The following DNAH11 variants were observed in gnomAD, a reference collection of about 807,000 sequenced individuals.
DNAH11 encodes axonemal beta dynein heavy chain 11.
DNAH11 carries 442 observed loss-of-function variants against 526.0 expected under a neutral mutation model. The observed-to-expected ratio is 0.84, with a 90% CI of 0.78 to 0.91. DNAH11 has a LOEUF of 0.91. Among genes scored for constraint, DNAH11 ranks in the 40% least tolerant of loss-of-function variants. DNAH11 has a pLI of 0.00. For synonymous variants in DNAH11, 2,461 were observed against 1,935.9 expected (o/e 1.27, Z -7.12); for missense variants, 6,989 against 5,448.7 (o/e 1.28, Z -8.90).
intron 35 of DNAH11, 80 bp from the exon 36 acceptor site, chr7:21,697,995 C>T (rs771782186): frequency 4.9e-6 from 7 of 1,420,876 alleles, no homozygotes; most frequent in South Asian, 2.7e-5. Context: ...AATGTTGGTA[C>T]GAAATAACCA....
chr7:21,673,607 C>T (rs771766596), intron 30 of DNAH11, among the ~76,000 whole-genome samples: 1 of 152,158 alleles, frequency 6.6e-6, no homozygotes, highest in Non-Finnish European at 1.5e-5. Context: ...GCTGCCCTGA[C>T]TTTCTTTCCT....
Position 21,798,736 on chromosome 7 carries a change from C to T in DNAH11, c.10027-2401C>T, listed in dbSNP as rs111735785. Among the ~76,000 whole-genome samples, 240 of 152,258 alleles carry T rather than the reference C, an allele frequency of 1.6e-3. 1 individual carries two copies. Among genetic ancestry groups the T allele is most frequent in the African/African-American group, 5.6e-3 (232 of 41,546 alleles). On this transcript the variant is annotated intron_variant, in intron 61 of 81. Coordinates refer to ENST00000409508, the MANE Select transcript of DNAH11 (RefSeq NM_001277115.2). ...GCAGAGTTTTTCAGCTGCTGTATGA[C>T]ATGCAACACCTCAACAGATTGAATG...
rs767246053 is a variant in DNAH11 at position 21,687,169 on chromosome 7, G to A, written c.5692G>A (p.Gly1898Arg). 12 of 1,612,756 alleles carry A rather than the reference G, an allele frequency of 7.4e-6. No homozygotes were observed. Among genetic ancestry groups the A allele is most frequent in the South Asian group, 5.5e-5 (5 of 90,812 alleles). Residue 1898 changes from glycine to arginine, a missense_variant, in exon 33 of 82, where the codon GGG becomes AGG. Coordinates refer to ENST00000409508, the MANE Select transcript of DNAH11 (RefSeq NM_001277115.2). ...GGCTCCTGCTGGCCCAGCTGGTACC[G>A]GGAAAACAGAGACCACCAAAGACCT... ...SGAPAGPAGT[G>R]KTETTKDLGR...
chr7:21,582,055 T>C, intron 9 of DNAH11, 34 bp downstream of exon 9: 1 of 1,372,412 alleles, frequency 7.3e-7, no homozygotes, highest in Non-Finnish European at 1.0e-6. Flanking sequence ...AAAAAACGTT[T>C]ACTATGAATA....
chr7:21,810,249 C>G (rs980287009), intron 63 of DNAH11, among the ~76,000 whole-genome samples: 1 of 152,158 alleles, frequency 6.6e-6, no homozygotes, highest in African/African-American at 2.4e-5. Flanking sequence ...AATGAGAAAA[C>G]TGAGACAGAC....
Position 21,725,991 on chromosome 7 carries a change from G to T in DNAH11, c.7440+7G>T, listed in dbSNP as rs573260062. 4.5e-5 allele frequency: 69 copies of T among 1,541,616 alleles called. No individual in the cohort carries two copies. In the South Asian group the frequency reaches 8.1e-4, roughly 18 times the overall value. On this transcript the variant is annotated splice_region_variant and intron_variant, in intron 45 of 81. Coordinates refer to ENST00000409508, the MANE Select transcript of DNAH11 (RefSeq NM_001277115.2). ...TCCAGATGTGCCTCTGCAGGTAGGT[G>T]TGTGGAACATAGCAATTGTATTAGT...
At chr7:21,642,130 G>T (rs752320594) in intron 28 of DNAH11, among the ~76,000 whole-genome samples, 50 of 152,152 alleles carry the variant, frequency 3.3e-4, no homozygotes, top group Non-Finnish European at 5.9e-4. Context: ...TTGAAATTTT[G>T]GGAAAATTTG....
intron 62 of DNAH11, 92 bp downstream of exon 62, chr7:21,801,367 A>G (rs1368921707): frequency 2.0e-6 from 3 of 1,498,624 alleles, no homozygotes; most frequent in Middle Eastern, 1.7e-4. Flanking sequence ...CTAAATAGAC[A>G]TGGAATTAAC....
intron 65 of DNAH11, among the ~76,000 whole-genome samples, chr7:21,833,429 A>C (rs1360470697): frequency 6.6e-6 from 1 of 152,216 alleles, no homozygotes; most frequent in Non-Finnish European, 1.5e-5. Flanking sequence ...ACAGTGGCTC[A>C]TGCCTGTAAT....
chr7:21,880,772 C>G lies in DNAH11; in HGVS notation c.12266C>G (p.Ala4089Gly), dbSNP rs1783892238. 6.2e-7 allele frequency: 1 copy of G among 1,613,878 alleles called. No homozygotes were observed. Among genetic ancestry groups the G allele is most frequent in the Non-Finnish European group, 8.5e-7 (1 of 1,179,904 alleles). Residue 4089 changes from alanine to glycine, a missense_variant, in exon 75 of 82, where the codon GCC (alanine) becomes GGC (glycine). Ala to Gly is a moderately conservative substitution (Grantham distance 60). Transcript: ENST00000409508. ...CTTTTTTCTCTCTGCTACTTCCACG[C>G]CTGTGTTGCTGGGAGACTGAGGTTT... ...SILFSLCYFH[A>G]CVAGRLRFGP... is the part of the protein sequence containing the mutation.
intron 28 of DNAH11, among the ~76,000 whole-genome samples, chr7:21,647,841 T>C (rs975651891): frequency 1.2e-4 from 18 of 152,116 alleles, no homozygotes; most frequent in Non-Finnish European, 2.6e-4. Flanking sequence ...AATAAAGATG[T>C]TTTAACACAT....
At chr7:21,856,798 A>C (rs1380641956) in intron 68 of DNAH11, among the ~76,000 whole-genome samples, 2 of 152,142 alleles carry the variant, frequency 1.3e-5, no homozygotes, top group African/African-American at 4.8e-5. Flanking sequence ...AAAAAAAACC[A>C]ACCAACTCTC....
rs1028235968 is a variant in DNAH11 at position 21,725,863 on chromosome 7, C to A, written c.7319C>A (p.Ala2440Glu). The change falls in exon 45 of 82, where the codon GCA becomes GAA. Residue 2440 changes from alanine to glutamate, a missense_variant. Physicochemically the swap from Ala to Glu is moderately radical, Grantham distance 107 (BLOSUM62 -1). Transcript: ENST00000409508. The part of the protein sequence containing the change: ...FSRWWQKEMK[A>E]VKFPSQGTIF... ...CGGTGGTGGCAGAAAGAGATGAAAGCAGTGAAATTTCCGTCGCAGGGAACA... is the reference window on the plus strand; with the variant it reads ...CGGTGGTGGCAGAAAGAGATGAAAGAAGTGAAATTTCCGTCGCAGGGAACA... The A allele has an allele frequency of 6.2e-7, 1 of 1,611,622 alleles. No homozygotes were observed. The highest frequency in any genetic ancestry group is 2.2e-5 in the East Asian group (1 of 44,858).
chr7:21,573,745 C>G (rs747249884), intron 8 of DNAH11, among the ~76,000 whole-genome samples: 1 of 152,144 alleles, frequency 6.6e-6, no homozygotes, highest in African/African-American at 2.4e-5. Flanking sequence ...CCCTTCCCCT[C>G]CCATTGCATT....
chr7:21,823,325 A>G (rs1206253728), intron 65 of DNAH11, among the ~76,000 whole-genome samples: 1 of 152,000 alleles, frequency 6.6e-6, no homozygotes, highest in Non-Finnish European at 1.5e-5. Flanking sequence ...AATGTTTTGG[A>G]AACTATGTTT....
intron 55 of DNAH11, among the ~76,000 whole-genome samples, chr7:21,767,719 G>C (rs1398274540): frequency 3.3e-5 from 5 of 152,188 alleles, no homozygotes; most frequent in Non-Finnish European, 7.3e-5. Context: ...TTATAATTCA[G>C]AGTACAATGT....
In DNAH11 at chr7:21,690,915, G is replaced by T. The variant is rs559858873; in HGVS notation, c.6041+34G>T. 26 of 1,479,456 alleles carry T rather than the reference G, an allele frequency of 1.8e-5. No individual in the cohort carries two copies. The East Asian group carries it at 1.8e-4, about 10-fold the overall frequency. 91.6% of individuals were successfully genotyped at this position (1,479,456 alleles called of 1,614,324 possible). A position where few individuals can be genotyped will look rare whatever the true frequency, so the allele number is the denominator to read the frequency against. ...TATGCTTTGTGGCTTAGCATCTGGT[G>T]CACTCATGCCACCTAATGTTGTTGG... On this transcript the variant is annotated intron_variant, in intron 35 of 81. Transcript: ENST00000409508.
Position 21,600,679 on chromosome 7 carries a change from G to A in DNAH11, c.3004G>A (p.Asp1002Asn). The change falls in exon 16 of 82, where the codon GAT (aspartate) becomes AAT (asparagine). Residue 1002 changes from aspartate to asparagine, a missense_variant. Transcript: ENST00000409508. ...THLEIKNYQN[D>N]MDNMLGLAEV... Reference sequence around the variant, plus strand: ...GCTGTGTTTTCCTCTCATTTAGAATGATATGGATAACATGTTAGGCCTGGC... The same window carrying A: ...GCTGTGTTTTCCTCTCATTTAGAATAATATGGATAACATGTTAGGCCTGGC... 1 of 1,606,274 alleles carries A rather than the reference G, an allele frequency of 6.2e-7. No individual in the cohort carries two copies. Among genetic ancestry groups the A allele is most frequent in the Non-Finnish European group, 8.5e-7 (1 of 1,175,528 alleles).
At chr7:21,574,906 A>G in intron 8 of DNAH11, among the ~76,000 whole-genome samples, 1 of 90,042 alleles carries the variant, frequency 1.1e-5, no homozygotes, top group Non-Finnish European at 2.0e-5. Flanking sequence ...AGACAGTTTC[A>G]CTCTGTCACC....
Sources: allele counts gnomAD v4.1 joint callset (sites outside exome capture counted in the v4.1 genomes callset), GRCh38; gene constraint gnomAD v4.1.1; transcripts MANE v1.5; gene names NCBI Gene and HGNC (gene_info 2026-07-23, HGNC 2026-07-21).